The following CCNY variants were observed in gnomAD, a reference collection of about 807,000 sequenced individuals.
CCNY encodes cyclin Y, also known as cyclin-Y.
A neutral mutation model predicts 42.8 loss-of-function variants in CCNY; 19 were observed. The ratio of observed to expected loss-of-function variants is 0.44; its 90% confidence interval spans 0.31 to 0.65. The LOEUF is 0.65. CCNY is among the 30% of genes least tolerant of loss of function. CCNY has a pLI of 0.07. For synonymous variants in CCNY, 165 were observed against 162.7 expected, an observed-to-expected ratio of 1.01 and a Z score of -0.11; for missense variants, 370 against 437.3, an observed-to-expected ratio of 0.85 and a Z score of 1.37.
intron 1 of CCNY, among the ~76,000 whole-genome samples, chr10:35,424,004 CAG>C (rs936354837): frequency 1.3e-5 from 2 of 152,052 alleles, no homozygotes; most frequent in African/African-American, 4.8e-5. Context: ...GGTGGCAGAA[CAG>C]AGAGAGGGTG....
chr10:35,473,854 C>T lies in CCNY; in HGVS notation c.155-9550C>T, dbSNP rs557045629. Among the ~76,000 whole-genome samples, 630 of 152,208 alleles carry T rather than the reference C, an allele frequency of 4.1e-3. 4 individuals are homozygous for T. The highest frequency in any genetic ancestry group is 0.013 in the African/African-American group (523 of 41,532). On this transcript the variant is annotated intron_variant, in intron 1 of 9. Transcript: ENST00000374704. ...CTCCCAGCCTGAGCGACGCAGAAGA[C>T]GGGTGATTTCTGCATTTCCATCTGA...
chr10:35,296,551 G>A (rs770093660), intron 3 of CCNY, among the ~76,000 whole-genome samples: 19 of 152,024 alleles, frequency 1.2e-4, no homozygotes, highest in African/African-American at 1.9e-4. Flanking sequence ...ACAGCACTCC[G>A]GCCTGGGCCT....
At position 35,571,655 on chromosome 10, in the gene CCNY, G is replaced by T. The variant is rs961448374; in HGVS notation, c.*2485G>T. 13 of 152,244 alleles carry T rather than the reference G, an allele frequency of 8.5e-5. No homozygotes were observed. The highest frequency in any genetic ancestry group is 2.9e-4 in the African/African-American group (12 of 41,422). 9.4% of individuals were successfully genotyped at this position (152,244 alleles called of 1,614,324 possible). ...TTTCTACATGATGATGAATAGTTATGTTTTCTTCTCTGATTTGTTCAAAGT... is the reference window on the plus strand; with the variant it reads ...TTTCTACATGATGATGAATAGTTATTTTTTCTTCTCTGATTTGTTCAAAGT... On this transcript the variant is annotated 3_prime_UTR_variant, in exon 10 of 10. Transcript: ENST00000374704.
intron 1 of CCNY, among the ~76,000 whole-genome samples, chr10:35,443,491 A>G (rs769806228): frequency 2.0e-5 from 3 of 152,180 alleles, no homozygotes; most frequent in Non-Finnish European, 4.4e-5. Flanking sequence ...AGCCAGGCCT[A>G]CACAGGGTCA....
chr10:35,360,998 T>C (rs1460065989), intron 1 of CCNY, among the ~76,000 whole-genome samples: 1 of 152,018 alleles, frequency 6.6e-6, no homozygotes, highest in East Asian at 1.9e-4. Flanking sequence ...GTAGCTGAGA[T>C]TACAGACGCC....
At position 35,530,368 on chromosome 10, in the gene CCNY, A is replaced by G. The variant is rs1449700692; in HGVS notation, c.579+125A>G. On this transcript the variant is annotated intron_variant, in intron 7 of 9. Coordinates refer to ENST00000374704, the MANE Select transcript of CCNY (RefSeq NM_145012.6). The surrounding 1 kb of genome is among the most constrained non-coding windows in gnomAD (Gnocchi z 4.3). The stretch of plus-strand genomic sequence containing the variant: ...CAGGTTACCCTGTGGACACCGTGGC[A>G]TAAGCTTCAGTGTTGTCGTTCTCCT... 6 of 1,164,286 alleles carry G rather than the reference A, an allele frequency of 5.2e-6. No homozygotes were observed. The highest frequency in any genetic ancestry group is 2.2e-5 in the Admixed American group (1 of 46,488). 72.1% of individuals were successfully genotyped at this position (1,164,286 alleles called of 1,614,324 possible).
At chr10:35,508,083 A>T (rs910330481) in intron 3 of CCNY, among the ~76,000 whole-genome samples, 3 of 152,142 alleles carry the variant, frequency 2.0e-5, no homozygotes, top group Non-Finnish European at 4.4e-5. Context: ...CCTGCACTTT[A>T]TCCCCACCCC....
intron 5 of CCNY, among the ~76,000 whole-genome samples, chr10:35,527,034 A>T (rs1247823215): frequency 3.3e-5 from 5 of 152,166 alleles, no homozygotes; most frequent in Non-Finnish European, 5.9e-5. Context: ...GGGAGGTTGG[A>T]TGACAGCTTC....
chr10:35,439,062 C>A (rs1020023781), intron 1 of CCNY, among the ~76,000 whole-genome samples: 19 of 152,230 alleles, frequency 1.2e-4, no homozygotes, highest in African/African-American at 4.1e-4. Flanking sequence ...TAGGTGTCAT[C>A]TTTCTTTGGC....
chr10:35,532,165 G>T (rs559213185), intron 7 of CCNY, among the ~76,000 whole-genome samples: 1 of 152,234 alleles, frequency 6.6e-6, no homozygotes, highest in Non-Finnish European at 1.5e-5. Flanking sequence ...GCTCATCAGC[G>T]CAGCTGCATG....
At chr10:35,564,192 A>AG (rs397696636) in intron 8 of CCNY, among the ~76,000 whole-genome samples, 1 of 149,600 alleles carries the variant, frequency 6.7e-6, no homozygotes, top group Non-Finnish European at 1.5e-5. Context: ...AATTCTTAAA[A>AG]CTATGAAATT....
chr10:35,535,020 TGTG>T (rs1840855145), intron 7 of CCNY, among the ~76,000 whole-genome samples: 5 of 148,472 alleles, frequency 3.4e-5, no homozygotes, highest in Non-Finnish European at 7.5e-5. Flanking sequence ...TGTGTGTGTG[TGTG>T]TGTGTGTGTA....
At chr10:35,303,620 A>G (rs984563841) in intron 3 of CCNY, among the ~76,000 whole-genome samples, 24 of 150,946 alleles carry the variant, frequency 1.6e-4, no homozygotes, top group African/African-American at 5.8e-4. Flanking sequence ...TCTACTAAAA[A>G]TACAAAATTA....
chr10:35,273,062 T>C (rs1235667274), intron 3 of CCNY, among the ~76,000 whole-genome samples: 1 of 152,138 alleles, frequency 6.6e-6, no homozygotes, highest in African/African-American at 2.4e-5. Flanking sequence ...CAAATTGCTA[T>C]AAACTTCAAG....
At chr10:35,450,138 A>G (rs1838884870) in intron 1 of CCNY, among the ~76,000 whole-genome samples, 1 of 151,460 alleles carries the variant, frequency 6.6e-6, no homozygotes, top group Non-Finnish European at 1.5e-5. Context: ...GCAAGGATGT[A>G]GCAGGGGGAG....
intron 1 of CCNY, among the ~76,000 whole-genome samples, chr10:35,348,352 A>G (rs1009791606): frequency 8.5e-5 from 13 of 152,224 alleles, no homozygotes; most frequent in African/African-American, 2.9e-4. Context: ...AGAAAGGATG[A>G]TGCCAGGCAT....
intron 3 of CCNY, among the ~76,000 whole-genome samples, chr10:35,306,753 A>G (rs1013689421): frequency 6.6e-6 from 1 of 151,864 alleles, no homozygotes; most frequent in Non-Finnish European, 1.5e-5. Context: ...ATGACATAAC[A>G]ACCTTCAGGT....
chr10:35,569,516 A>G lies in CCNY; in HGVS notation c.*346A>G, dbSNP rs981091178. 4 of 310,422 alleles carry G rather than the reference A, an allele frequency of 1.3e-5. No homozygotes were observed. The highest frequency in any genetic ancestry group is 2.5e-5 in the Non-Finnish European group (4 of 161,554). The allele number at this position is 310,422 out of a possible 1,614,324, so 19.2% of individuals were successfully genotyped here. A position where few individuals can be genotyped will look rare whatever the true frequency, so the allele number is the denominator to read the frequency against. ...GAGTCCCCATGGGGGCGGTAGCTGAAGTTGGCGAGCGCAGCGGTGGATGCA... is the reference window on the plus strand; with the variant it reads ...GAGTCCCCATGGGGGCGGTAGCTGAGGTTGGCGAGCGCAGCGGTGGATGCA... On this transcript the variant is annotated 3_prime_UTR_variant, in exon 10 of 10. Coordinates refer to ENST00000374704, the MANE Select transcript of CCNY (RefSeq NM_145012.6).
intron 2 of CCNY, among the ~76,000 whole-genome samples, chr10:35,250,362 C>A (rs2095711040): frequency 6.6e-6 from 1 of 152,032 alleles, no homozygotes; most frequent in South Asian, 2.1e-4. Context: ...GAGACTCCGT[C>A]TCAATAAATA....
Sources: gnomAD v4.1 joint callset for allele counts (sites outside exome capture counted in the v4.1 genomes callset) on GRCh38, gnomAD v4.1.1 for gene constraint, Gnocchi (gnomAD v3.1) non-coding constraint, MANE v1.5 for transcripts, NCBI Gene and HGNC (gene_info 2026-07-23, HGNC 2026-07-21) for gene names.